Variants in SLC25A17 observed in about 807,000 individuals in gnomAD.
SLC25A17 encodes solute carrier family 25 member 17.
Under a neutral mutation model 38.5 loss-of-function variants are expected in SLC25A17, and 26 were observed. The observed-to-expected ratio is 0.68, with a 90% CI of 0.50 to 0.94. The LOEUF is 0.94. Ranked by LOEUF, SLC25A17 falls within the 40% of genes least tolerant of loss-of-function variation. The pLI, the probability that SLC25A17 is intolerant of heterozygous loss-of-function variation, is 0.00. For synonymous variants in SLC25A17, 139 were observed against 136.2 expected (o/e 1.02, Z -0.14); for missense variants, 333 against 372.7 (o/e 0.89, Z 0.88).
intron 1 of SLC25A17, among the ~76,000 whole-genome samples, chr22:40,817,023 A>G (rs5750993): frequency 0.43 from 65,978 of 152,100 alleles, 17,052 homozygotes; most frequent in East Asian, 0.95. Context: ...AATGCACTCA[A>G]TAAAGGTGTT....
chr22:40,782,787 C>T lies in SLC25A17; in HGVS notation c.335-3662G>A, dbSNP rs950275349. ...TGAACTATCACAACAATGATAATAC[C>T]TTTGGCATTCAGTAAGAGTTATTGC... On this transcript the variant is annotated intron_variant, in intron 4 of 8. Coordinates refer to ENST00000435456, the MANE Select transcript of SLC25A17 (RefSeq NM_006358.4). 6.6e-5 allele frequency among the ~76,000 whole-genome samples: 10 copies of T among 152,184 alleles called. No individual in the cohort carries two copies. The East Asian group carries it at 1.7e-3, about 26-fold the overall frequency.
chr22:40,816,703 C>T (rs1046218487), intron 1 of SLC25A17, among the ~76,000 whole-genome samples: 30 of 151,546 alleles, frequency 2.0e-4, no homozygotes, highest in Middle Eastern at 3.2e-3. Context: ...CTCTGCCTCC[C>T]AGGTTCAAGT....
At chr22:40,791,785 T>C (rs539383482) in intron 4 of SLC25A17, among the ~76,000 whole-genome samples, 1 of 152,284 alleles carries the variant, frequency 6.6e-6, no homozygotes, top group South Asian at 2.1e-4. Context: ...CTGTGTACTG[T>C]TGGTGGGATT....
At chr22:40,814,302 C>T (rs762436854) in intron 1 of SLC25A17, among the ~76,000 whole-genome samples, 1 of 152,184 alleles carries the variant, frequency 6.6e-6, no homozygotes, top group Non-Finnish European at 1.5e-5. Context: ...CTGCCCACAT[C>T]AAGGATTCTT....
chr22:40,814,496 A>G (rs988359832), intron 1 of SLC25A17, among the ~76,000 whole-genome samples: 1 of 151,928 alleles, frequency 6.6e-6, no homozygotes, highest in African/African-American at 2.4e-5. Context: ...TATGATTTAC[A>G]ATATTGACTG....
chr22:40,804,565 TTTTGTTTTTG>T (rs976037551), intron 1 of SLC25A17, among the ~76,000 whole-genome samples: 1 of 152,142 alleles, frequency 6.6e-6, no homozygotes, highest in Admixed American at 6.5e-5. Context: ...TTTTTGTTTG[TTTTGTTTTTG>T]TTTGTTTTTG....
chr22:40,788,116 C>T (rs1007638178), intron 4 of SLC25A17, among the ~76,000 whole-genome samples: 4 of 152,198 alleles, frequency 2.6e-5, no homozygotes, highest in African/African-American at 9.7e-5. Context: ...CAAGTACATA[C>T]ATTCTGGTAT....
intron 4 of SLC25A17, among the ~76,000 whole-genome samples, chr22:40,784,093 T>C (rs1459428416): frequency 6.6e-6 from 1 of 152,180 alleles, no homozygotes; most frequent in Non-Finnish European, 1.5e-5. Context: ...TACTATGTAT[T>C]TTCCTTGTTT....
intron 4 of SLC25A17, among the ~76,000 whole-genome samples, chr22:40,783,295 G>A (rs1229723109): frequency 6.6e-6 from 1 of 152,120 alleles, no homozygotes; most frequent in Non-Finnish European, 1.5e-5. Flanking sequence ...GTGGGCTCTT[G>A]TGTAGGATGA....
At chr22:40,816,809 C>G (rs1031302183) in intron 1 of SLC25A17, among the ~76,000 whole-genome samples, 1 of 151,498 alleles carries the variant, frequency 6.6e-6, no homozygotes, top group African/African-American at 2.4e-5. Context: ...CGGGGTTTCA[C>G]CATGTTAGCC....
intron 8 of SLC25A17, among the ~76,000 whole-genome samples, chr22:40,771,538 G>A (rs1443814879): frequency 6.6e-6 from 1 of 152,238 alleles, no homozygotes; most frequent in Non-Finnish European, 1.5e-5. Flanking sequence ...CAAAAAGAAT[G>A]AGAGTTTGTT....
At chr22:40,775,525 G>A (rs1306036923) in intron 7 of SLC25A17, among the ~76,000 whole-genome samples, 2 of 142,090 alleles carry the variant, frequency 1.4e-5, no homozygotes, top group East Asian at 2.1e-4. Context: ...CTGCAGTGGC[G>A]CAATCTCGGC....
intron 1 of SLC25A17, among the ~76,000 whole-genome samples, chr22:40,803,796 C>A (rs1486855413): frequency 6.6e-6 from 1 of 151,368 alleles, no homozygotes; most frequent in Non-Finnish European, 1.5e-5. Flanking sequence ...TTCTCAGTAT[C>A]CTCACCAGCA....
At position 40,770,793 on chromosome 22, in the gene SLC25A17, TC is replaced by T. The variant is rs1180662069; in HGVS notation, c.*40del. On this transcript the variant is annotated 3_prime_UTR_variant, in exon 9 of 9. Coordinates refer to ENST00000435456, the MANE Select transcript of SLC25A17 (RefSeq NM_006358.4). ...ACTTCTCTTCACTCAGGAGGAAACC[TC>T]CCTCTTGAGCATCTTCGGAATTTTT... The T allele has an allele frequency of 1.3e-6, 2 of 1,570,340 alleles. No individual in the cohort carries two copies. Among genetic ancestry groups the T allele is most frequent in the Non-Finnish European group, 1.7e-6 (2 of 1,151,348 alleles).
At chr22:40,803,047 T>G (rs1461563952) in intron 1 of SLC25A17, among the ~76,000 whole-genome samples, 1 of 152,228 alleles carries the variant, frequency 6.6e-6, no homozygotes, top group Non-Finnish European at 1.5e-5. Context: ...CTTCTAGCTA[T>G]CCTGAAATAC....
chr22:40,797,848 G>C (rs1398483437), intron 2 of SLC25A17, among the ~76,000 whole-genome samples: 3 of 152,194 alleles, frequency 2.0e-5, no homozygotes, highest in Non-Finnish European at 4.4e-5. Context: ...TTCCTCCGCA[G>C]CCAACAAATG....
intron 4 of SLC25A17, among the ~76,000 whole-genome samples, chr22:40,780,962 G>A (rs143158114): frequency 3.2e-4 from 49 of 152,096 alleles, no homozygotes; most frequent in Non-Finnish European, 4.9e-4. Context: ...TTGAGCCTAG[G>A]AGTTCAATAG....
At chr22:40,781,314 C>T (rs1056427951) in intron 4 of SLC25A17, among the ~76,000 whole-genome samples, 45 of 150,866 alleles carry the variant, frequency 3.0e-4, no homozygotes, top group African/African-American at 1.0e-3. Context: ...GGTTCTATCT[C>T]GGCTCACTGC....
intron 4 of SLC25A17, chr22:40,779,908 A>G (rs1404373322): frequency 1.3e-5 from 2 of 152,494 alleles, no homozygotes; most frequent in South Asian, 4.2e-4. Flanking sequence ...AAATGATTAA[A>G]AAAAAATACC....
Sources: gnomAD v4.1 joint callset for allele counts (sites outside exome capture counted in the v4.1 genomes callset) on GRCh38, gnomAD v4.1.1 for gene constraint, MANE v1.5 for transcripts, NCBI Gene and HGNC (gene_info 2026-07-23, HGNC 2026-07-21) for gene names.